The following TRAPPC9 variants were observed in gnomAD, a reference collection of about 807,000 sequenced individuals.
The protein encoded by TRAPPC9 is trafficking protein particle complex subunit 9, also known as IKK2 binding protein.
Under a neutral mutation model 124.0 loss-of-function variants are expected in TRAPPC9, and 83 were observed. The observed-to-expected ratio is 0.67, with a 90% CI of 0.56 to 0.80. The LOEUF is 0.80. Ranked by LOEUF, TRAPPC9 falls within the 30% of genes least tolerant of loss-of-function variation. The pLI is 0.00. For synonymous variants in TRAPPC9, 638 were observed against 617.5 expected (o/e 1.03, Z -0.49); for missense variants, 1,302 against 1,508.3 (o/e 0.86, Z 2.27).
Position 140,291,091 on chromosome 8 carries a change from C to A in TRAPPC9, c.1769-13G>T, listed in dbSNP as rs774147262. The A allele has an allele frequency of 3.1e-6, 5 of 1,610,072 alleles. 1 individual carries two copies. The South Asian group carries it at 5.5e-5, about 18-fold the overall frequency. On this transcript the variant is annotated splice_polypyrimidine_tract_variant and intron_variant, in intron 11 of 22. Coordinates refer to ENST00000438773, the MANE Select transcript of TRAPPC9 (RefSeq NM_001160372.4). Reference sequence around the variant, plus strand: ...ACCCACTGGAAATCTAGAAAATACACACACATAAATGAATCCATGTATTAG... The same window carrying A: ...ACCCACTGGAAATCTAGAAAATACAAACACATAAATGAATCCATGTATTAG...
chr8:139,950,187 T>C (rs1296856311), intron 19 of TRAPPC9, among the ~76,000 whole-genome samples: 1 of 152,244 alleles, frequency 6.6e-6, no homozygotes, highest in Non-Finnish European at 1.5e-5. Flanking sequence ...TGGTCCACAG[T>C]CCAGGTTCTG....
At chr8:139,933,932 C>T (rs1325399038) in intron 19 of TRAPPC9, 1 of 152,090 alleles carries the variant, frequency 6.6e-6, no homozygotes, top group Non-Finnish European at 1.5e-5. Flanking sequence ...AATAGTATAG[C>T]AAAAGCATCT....
chr8:139,992,554 C>T (rs751963451), intron 18 of TRAPPC9, among the ~76,000 whole-genome samples: 4 of 151,160 alleles, frequency 2.6e-5, no homozygotes, highest in Non-Finnish European at 5.9e-5. Flanking sequence ...TATCTCTTTC[C>T]AAATTTCTAT....
At chr8:140,407,173 G>C (rs2069525036) in intron 5 of TRAPPC9, among the ~76,000 whole-genome samples, 1 of 152,222 alleles carries the variant, frequency 6.6e-6, no homozygotes, top group South Asian at 2.1e-4. Context: ...AGATCCTACA[G>C]AGATTAAATC....
chr8:140,199,426 AT>A (rs1292711421), intron 17 of TRAPPC9, among the ~76,000 whole-genome samples: 1 of 151,442 alleles, frequency 6.6e-6, no homozygotes, highest in African/African-American at 2.5e-5. Context: ...GGAGGAAATA[AT>A]TATGCAGACA....
intron 17 of TRAPPC9, chr8:140,100,069 T>C (rs530189354): frequency 6.9e-6 from 1 of 145,300 alleles, no homozygotes; most frequent in African/African-American, 2.6e-5. Flanking sequence ...CTTCAGGGTA[T>C]TGACGCCCAC....
At chr8:140,246,327 G>A (rs2063987334) in intron 16 of TRAPPC9, among the ~76,000 whole-genome samples, 1 of 152,184 alleles carries the variant, frequency 6.6e-6, no homozygotes, top group Admixed American at 6.5e-5. Context: ...ATTTTTCTCT[G>A]AGTGAGAAAG....
intron 9 of TRAPPC9, among the ~76,000 whole-genome samples, chr8:140,351,671 T>G (rs543153057): frequency 3.9e-5 from 6 of 152,320 alleles, no homozygotes; most frequent in African/African-American, 1.4e-4. Flanking sequence ...ATGCAAATAC[T>G]ATGCCATTTT....
intron 21 of TRAPPC9, among the ~76,000 whole-genome samples, chr8:139,759,426 G>A (rs1350942604): frequency 6.6e-6 from 1 of 152,194 alleles, no homozygotes; most frequent in Non-Finnish European, 1.5e-5. Context: ...AGAGGAGGAG[G>A]CACCTTGGCC....
chr8:139,996,652 C>T (rs1460205974), intron 18 of TRAPPC9, among the ~76,000 whole-genome samples: 2 of 152,032 alleles, frequency 1.3e-5, no homozygotes, highest in African/African-American at 2.4e-5. Context: ...TAAATAATGG[C>T]CACACCCCCA....
At chr8:140,420,708 T>G (rs1181242531) in intron 5 of TRAPPC9, among the ~76,000 whole-genome samples, 1 of 152,074 alleles carries the variant, frequency 6.6e-6, no homozygotes, top group African/African-American at 2.4e-5. Context: ...AAAAAATGTA[T>G]AAAGAGATAA....
Position 140,423,663 on chromosome 8 carries a change from T to TATATACACATATAC in TRAPPC9, c.886+2938_886+2951dup, listed in dbSNP as rs1588328643. ...TATATAACACATATACATACACACATATATACACATATACACATATATACA... is the reference window on the plus strand; with the variant it reads ...TATATAACACATATACATACACACATATATACACATATACATATACACATATACACATATATACA... On this transcript the variant is annotated intron_variant, in intron 5 of 22. Transcript: ENST00000438773. Among the ~76,000 whole-genome samples the TATATACACATATAC allele has an allele frequency of 2.8e-5, 4 of 144,796 alleles. No homozygotes were observed. In the East Asian group the frequency reaches 7.8e-4, roughly 28 times the overall value. 95.0% of individuals were successfully genotyped at this position (144,796 alleles called of 152,430 possible).
At chr8:139,994,021 T>C (rs57138217) in intron 18 of TRAPPC9, among the ~76,000 whole-genome samples, 13,768 of 152,252 alleles carry the variant, frequency 0.09, 1,146 homozygotes, top group African/African-American at 0.22. Context: ...AATTGATACC[T>C]CCTAGACATT....
intron 5 of TRAPPC9, among the ~76,000 whole-genome samples, chr8:140,423,994 G>T (rs1308747840): frequency 2.0e-5 from 3 of 152,140 alleles, no homozygotes; most frequent in African/African-American, 2.4e-5. Context: ...AAAGGAGAGT[G>T]ACTGCTAACA....
intron 17 of TRAPPC9, among the ~76,000 whole-genome samples, chr8:140,174,541 T>G (rs1037625797): frequency 6.6e-6 from 1 of 152,144 alleles, no homozygotes; most frequent in African/African-American, 2.4e-5. Flanking sequence ...AAAGAAATCA[T>G]GTACCCATTA....
At chr8:140,080,513 A>G (rs1381623940) in intron 17 of TRAPPC9, among the ~76,000 whole-genome samples, 1 of 152,238 alleles carries the variant, frequency 6.6e-6, no homozygotes, top group Non-Finnish European at 1.5e-5. Flanking sequence ...GAAACACCAG[A>G]GGGCATATGC....
intron 7 of TRAPPC9, among the ~76,000 whole-genome samples, chr8:140,377,162 A>T (rs1334842226): frequency 6.6e-6 from 1 of 152,256 alleles, no homozygotes; most frequent in African/African-American, 2.4e-5. Flanking sequence ...CTTTGGCTTC[A>T]AGAAATACTG....
intron 21 of TRAPPC9, among the ~76,000 whole-genome samples, chr8:139,774,017 G>A (rs1168671145): frequency 6.6e-6 from 1 of 152,206 alleles, no homozygotes; most frequent in Non-Finnish European, 1.5e-5. Flanking sequence ...GGAGCACGGT[G>A]CTGAGCTGGA....
chr8:140,109,171 C>T (rs978460588), intron 17 of TRAPPC9, among the ~76,000 whole-genome samples: 6 of 152,184 alleles, frequency 3.9e-5, no homozygotes, highest in Non-Finnish European at 7.3e-5. Context: ...ACAAGCCTCT[C>T]GCCATCCGTG....
Sources: gnomAD v4.1 joint callset for allele counts (sites outside exome capture counted in the v4.1 genomes callset) on GRCh38, gnomAD v4.1.1 for gene constraint, MANE v1.5 for transcripts, NCBI Gene and HGNC (gene_info 2026-07-23, HGNC 2026-07-21) for gene names.